The following DNAAF9 variants were observed in gnomAD, a reference collection of about 807,000 sequenced individuals.
DNAAF9 encodes the protein shulin.
DNAAF9 carries 90 observed loss-of-function variants against 167.0 expected under a neutral mutation model. The ratio of observed to expected loss-of-function variants is 0.54; its 90% confidence interval spans 0.45 to 0.64. The LOEUF is 0.64. DNAAF9 is among the 30% of genes least tolerant of loss of function. The pLI is 0.00. For synonymous variants in DNAAF9, 491 were observed against 508.8 expected, an observed-to-expected ratio of 0.96 and a Z score of 0.47; for missense variants, 1,315 against 1,442.2, an observed-to-expected ratio of 0.91 and a Z score of 1.43.
At chr20:3,296,043 G>A (rs2069071146) in intron 23 of DNAAF9, 1 of 932,440 alleles carries the variant, frequency 1.1e-6, no homozygotes, top group South Asian at 1.3e-5. Flanking sequence ...TTTCCACCCT[G>A]GTAGTAACCC....
rs150799507 is a variant in DNAAF9, at chr20:3,311,633, T to C, written c.1678+3400A>G. ...AAGGAATACTATAGGGCCATGAAAA[T>C]GAGTAAGCTATATGGCTTACATACA... is the stretch of plus-strand genomic sequence containing the variant. On this transcript the variant is annotated intron_variant, in intron 20 of 36. Coordinates refer to ENST00000252032, the MANE Select transcript of DNAAF9 (RefSeq NM_001009984.3). Among the ~76,000 whole-genome samples, 420 of 152,310 alleles carry C rather than the reference T, an allele frequency of 2.8e-3. 1 individual carries two copies. The highest frequency in any genetic ancestry group is 9.5e-3 in the African/African-American group (395 of 41,562).
At chr20:3,403,642 T>G (rs2084017737) in intron 1 of DNAAF9, among the ~76,000 whole-genome samples, 1 of 151,320 alleles carries the variant, frequency 6.6e-6, no homozygotes, top group Non-Finnish European at 1.5e-5. Context: ...GCCCATCAAT[T>G]TACAAACATG....
chr20:3,298,234 C>A (rs1568587894), intron 21 of DNAAF9, 59 bp from the exon 22 acceptor site: 4 of 1,357,146 alleles, frequency 2.9e-6, no homozygotes, highest in Non-Finnish European at 3.1e-6. Flanking sequence ...ACAGCACTCA[C>A]AACTACTGCC....
intron 31 of DNAAF9, among the ~76,000 whole-genome samples, chr20:3,260,314 C>T (rs868857645): frequency 2.6e-5 from 4 of 152,056 alleles, no homozygotes; most frequent in Admixed American, 1.3e-4. Flanking sequence ...AGTCCGCAGT[C>T]CGGCCTGGGC....
intron 1 of DNAAF9, among the ~76,000 whole-genome samples, chr20:3,393,155 T>C (rs1568646796): frequency 6.6e-6 from 1 of 152,134 alleles, no homozygotes; most frequent in Non-Finnish European, 1.5e-5. Context: ...TCACTAATGA[T>C]GTTGAATACC....
Position 3,326,297 on chromosome 20 carries a change from A to G in DNAAF9, c.1101-13T>C. 1.3e-6 allele frequency: 2 copies of G among 1,568,800 alleles called. No homozygotes were observed. Among genetic ancestry groups the G allele is most frequent in the Non-Finnish European group, 1.8e-6 (2 of 1,139,780 alleles). On this transcript the variant is annotated splice_polypyrimidine_tract_variant and intron_variant, in intron 12 of 36. Coordinates refer to ENST00000252032, the MANE Select transcript of DNAAF9 (RefSeq NM_001009984.3). ...GGACAATAGCCTACTTTAAAAACAA[A>G]AAATAATGGTTAACATTACAGCATC...
chr20:3,313,335 T>C (rs1472563877), intron 20 of DNAAF9, among the ~76,000 whole-genome samples: 3 of 152,206 alleles, frequency 2.0e-5, no homozygotes, highest in East Asian at 1.9e-4. Context: ...AGTATGTGGA[T>C]AGAAAACCAG....
At chr20:3,355,679 T>C (rs945919967) in intron 7 of DNAAF9, among the ~76,000 whole-genome samples, 1 of 152,190 alleles carries the variant, frequency 6.6e-6, no homozygotes, top group Non-Finnish European at 1.5e-5. Flanking sequence ...GAAAAATTCA[T>C]ATAGCAATTA....
intron 30 of DNAAF9, among the ~76,000 whole-genome samples, chr20:3,270,195 T>A (rs911881010): frequency 2.7e-5 from 4 of 148,086 alleles, no homozygotes; most frequent in Admixed American, 6.9e-5. Flanking sequence ...GGCTGTGGAA[T>A]GCACTGACAC....
At chr20:3,253,637 C>G (rs1399471920) in intron 36 of DNAAF9, 89 bp downstream of exon 36, 1 of 809,552 alleles carries the variant, frequency 1.2e-6, no homozygotes. Context: ...ATGCATGGCT[C>G]TGGCAGACAA....
chr20:3,310,388 A>T (rs188980622), intron 20 of DNAAF9, among the ~76,000 whole-genome samples: 44 of 151,228 alleles, frequency 2.9e-4, no homozygotes, highest in African/African-American at 8.8e-4. Context: ...AAAGAAAGAA[A>T]GAATTCCTAA....
At chr20:3,379,529 A>G (rs951799463) in intron 3 of DNAAF9, among the ~76,000 whole-genome samples, 3 of 152,174 alleles carry the variant, frequency 2.0e-5, no homozygotes, top group African/African-American at 7.2e-5. Context: ...CAGAGGCTGC[A>G]GTGAGCCAAT....
intron 13 of DNAAF9, among the ~76,000 whole-genome samples, chr20:3,325,356 T>C (rs529911285): frequency 3.3e-5 from 5 of 152,336 alleles, no homozygotes; most frequent in Admixed American, 6.5e-5. Flanking sequence ...AGCCAGATGC[T>C]AAGAATATCC....
chr20:3,389,139 T>C (rs2083790451), intron 1 of DNAAF9, among the ~76,000 whole-genome samples: 1 of 151,896 alleles, frequency 6.6e-6, no homozygotes, highest in Non-Finnish European at 1.5e-5. Flanking sequence ...CAGCTAATTT[T>C]TTCATATTTT....
chr20:3,278,973 AT>A, intron 28 of DNAAF9, 24 bp from the exon 29 acceptor site: 1 of 1,558,394 alleles, frequency 6.4e-7, no homozygotes, highest in Non-Finnish European at 8.8e-7. Flanking sequence ...AGGGGGAAAT[AT>A]TTAAAAACCA....
Position 3,315,131 on chromosome 20 carries a change from A to G in DNAAF9, c.1591-11T>C. 2.0e-6 allele frequency: 3 copies of G among 1,513,298 alleles called. No individual in the cohort carries two copies. Among genetic ancestry groups the G allele is most frequent in the South Asian group, 2.3e-5 (2 of 88,556 alleles). The allele number at this position is 1,513,298 out of a possible 1,614,324, so 93.7% of individuals were successfully genotyped here. ...GAAAGACTCATCCCCCTTTAAAAACAACAACAAAAACAAAAATCCAAAAAA... is the reference window on the plus strand; with the variant it reads ...GAAAGACTCATCCCCCTTTAAAAACGACAACAAAAACAAAAATCCAAAAAA... On this transcript the variant is annotated splice_polypyrimidine_tract_variant and intron_variant, in intron 19 of 36. Transcript: ENST00000252032. The surrounding 1 kb of genome is among the most constrained non-coding windows in gnomAD (Gnocchi z 4.1).
chr20:3,315,219 T>C lies in DNAAF9; in HGVS notation c.1591-99A>G. 1.3e-6 allele frequency: 1 copy of C among 779,904 alleles called. No individual in the cohort carries two copies. 48.3% of individuals were successfully genotyped at this position (779,904 alleles called of 1,614,324 possible). On this transcript the variant is annotated intron_variant, in intron 19 of 36. Coordinates refer to ENST00000252032, the MANE Select transcript of DNAAF9 (RefSeq NM_001009984.3). This position sits in a 1 kb window ranked among gnomAD's most constrained non-coding sequence, Gnocchi z 4.1. ...AAAGTCCTGCCCAATTATGTCCGTC[T>C]ACAAAAGCTGAGTCAGGCTCAGATA...
At chr20:3,350,920 T>TAC (rs1207658109) in intron 7 of DNAAF9, among the ~76,000 whole-genome samples, 1 of 152,154 alleles carries the variant, frequency 6.6e-6, no homozygotes, top group Non-Finnish European at 1.5e-5. Flanking sequence ...TGTATATATA[T>TAC]ACAATTGGAG....
chr20:3,361,958 T>C (rs1461544224), intron 6 of DNAAF9: 17 of 1,537,382 alleles, frequency 1.1e-5, no homozygotes, highest in Non-Finnish European at 1.4e-5. Context: ...GCCGAAACTC[T>C]TGCAGGACAA....
Sources: allele counts gnomAD v4.1 joint callset (sites outside exome capture counted in the v4.1 genomes callset), GRCh38; gene constraint gnomAD v4.1.1; non-coding constraint Gnocchi (gnomAD v3.1); transcripts MANE v1.5; gene names NCBI Gene and HGNC (gene_info 2026-07-23, HGNC 2026-07-21).